The following MYO3B variants were observed in gnomAD, a reference collection of about 807,000 sequenced individuals.
MYO3B encodes myosin-IIIb.
Under a neutral mutation model 174.6 loss-of-function variants are expected in MYO3B, and 156 were observed. The ratio of observed to expected loss-of-function variants is 0.89; its 90% confidence interval spans 0.78 to 1.02. The LOEUF is 1.02. MYO3B is among the 50% of genes least tolerant of loss of function. The pLI is 0.00. For synonymous variants in MYO3B, 563 were observed against 569.1 expected, an observed-to-expected ratio of 0.99 and a Z score of 0.15; for missense variants, 1,632 against 1,639.4, an observed-to-expected ratio of 1.00 and a Z score of 0.08.
At chr2:170,364,353 T>C (rs2094183150) in intron 8 of MYO3B, among the ~76,000 whole-genome samples, 1 of 152,214 alleles carries the variant, frequency 6.6e-6, no homozygotes, top group South Asian at 2.1e-4. Context: ...ACTCCAAACT[T>C]ACTTGGTTTA....
chr2:170,390,100 C>T (rs1395882813), intron 14 of MYO3B, among the ~76,000 whole-genome samples: 1 of 152,116 alleles, frequency 6.6e-6, no homozygotes, highest in Non-Finnish European at 1.5e-5. Flanking sequence ...TATCCTATAA[C>T]ATGTTGTATA....
intron 32 of MYO3B, chr2:170,646,981 C>A (rs577031304): frequency 2.5e-6 from 3 of 1,212,078 alleles, no homozygotes; most frequent in Non-Finnish European, 3.4e-6. Flanking sequence ...GTTGTACTTC[C>A]TTTCATCTTA....
chr2:170,252,639 C>G (rs964539466), intron 7 of MYO3B, among the ~76,000 whole-genome samples: 1 of 151,994 alleles, frequency 6.6e-6, no homozygotes, highest in Non-Finnish European at 1.5e-5. Flanking sequence ...AAATAATAAA[C>G]AAGTAAAAAT....
intron 5 of MYO3B, among the ~76,000 whole-genome samples, chr2:170,217,078 A>G (rs1197752562): frequency 1.3e-5 from 2 of 151,958 alleles, no homozygotes; most frequent in Non-Finnish European, 2.9e-5. Context: ...TGAAAATTAT[A>G]TGAAATTCAA....
chr2:170,650,808 C>T (rs372351256), intron 32 of MYO3B, among the ~76,000 whole-genome samples: 41 of 151,042 alleles, frequency 2.7e-4, no homozygotes, highest in African/African-American at 9.5e-4. Flanking sequence ...CTCAGCCTCC[C>T]GAGTAGCTGG....
chr2:170,268,157 AG>A (rs1320311902), intron 7 of MYO3B, among the ~76,000 whole-genome samples: 1 of 152,170 alleles, frequency 6.6e-6, no homozygotes, highest in African/African-American at 2.4e-5. Flanking sequence ...TTGCAGTAAA[AG>A]AAAGAAACTA....
intron 32 of MYO3B, among the ~76,000 whole-genome samples, chr2:170,631,074 A>C (rs1206216351): frequency 1.3e-5 from 2 of 152,146 alleles, no homozygotes; most frequent in Non-Finnish European, 2.9e-5. Context: ...AGTTGAGAGA[A>C]GAAGGCTTCA....
At chr2:170,282,050 A>G (rs147363092) in intron 7 of MYO3B, among the ~76,000 whole-genome samples, 1,686 of 152,224 alleles carry the variant, frequency 0.011, 39 homozygotes, top group African/African-American at 0.038. Flanking sequence ...CCCATTCAAC[A>G]TGTTGTATCT....
At chr2:170,532,676 C>T (rs1689430448) in intron 30 of MYO3B, among the ~76,000 whole-genome samples, 1 of 151,904 alleles carries the variant, frequency 6.6e-6, no homozygotes, top group African/African-American at 2.4e-5. Flanking sequence ...ATTAGTCAGG[C>T]ATGGTGGCAG....
chr2:170,353,382 C>T (rs528324172), intron 8 of MYO3B, among the ~76,000 whole-genome samples: 98 of 151,994 alleles, frequency 6.4e-4, no homozygotes, highest in African/African-American at 2.2e-3. Context: ...GTATGGAGAT[C>T]AGTAGTTGTC....
intron 25 of MYO3B, among the ~76,000 whole-genome samples, chr2:170,475,045 A>T (rs1005790697): frequency 6.6e-6 from 1 of 152,174 alleles, no homozygotes; most frequent in Admixed American, 6.5e-5. Flanking sequence ...ACAGTGGGTT[A>T]TTGAAAATAG....
intron 7 of MYO3B, among the ~76,000 whole-genome samples, chr2:170,322,412 C>T (rs919928858): frequency 9.2e-5 from 14 of 152,080 alleles, no homozygotes; most frequent in African/African-American, 2.7e-4. Flanking sequence ...TGCCAGGACC[C>T]GCAGCATAAT....
rs547146610 is a variant in MYO3B at position 170,274,499 on chromosome 2, C to G, written c.749+38363C>G. Among the ~76,000 whole-genome samples the G allele has an allele frequency of 2.5e-4, 38 of 152,066 alleles. No individual in the cohort carries two copies. The South Asian group carries it at 3.7e-3, about 15-fold the overall frequency. On this transcript the variant is annotated intron_variant, in intron 7 of 34. Coordinates refer to ENST00000408978, the MANE Select transcript of MYO3B (RefSeq NM_138995.5). ...GCAAAGTGGCTACTTTTAGTAGGCTCGGTAAATATTGGATGAGTGAACTAA... is the reference window on the plus strand; with the variant it reads ...GCAAAGTGGCTACTTTTAGTAGGCTGGGTAAATATTGGATGAGTGAACTAA...
intron 32 of MYO3B, among the ~76,000 whole-genome samples, chr2:170,556,932 A>T (rs1173598599): frequency 2.6e-5 from 4 of 152,166 alleles, no homozygotes; most frequent in Non-Finnish European, 4.4e-5. Context: ...TCACATGCTT[A>T]TTTGACATCT....
chr2:170,653,181 T>A lies in MYO3B; in HGVS notation c.*60T>A. 6.2e-7 allele frequency: 1 copy of A among 1,600,594 alleles called. No individual in the cohort carries two copies. The highest frequency in any genetic ancestry group is 2.2e-5 in the East Asian group (1 of 44,798). On this transcript the variant is annotated 3_prime_UTR_variant, in exon 35 of 35. Transcript: ENST00000408978. The stretch of plus-strand genomic sequence containing the variant: ...GGAACATTCATGGTAATCGACTGTC[T>A]GTCATTGCGTAAGAAAGCACTGATA...
intron 32 of MYO3B, among the ~76,000 whole-genome samples, chr2:170,621,297 T>C (rs777290422): frequency 1.3e-5 from 2 of 152,216 alleles, no homozygotes; most frequent in African/African-American, 2.4e-5. Flanking sequence ...GTTTATTTTA[T>C]GTTTTATTCA....
At chr2:170,476,798 G>C (rs1192463196) in intron 25 of MYO3B, among the ~76,000 whole-genome samples, 1 of 151,902 alleles carries the variant, frequency 6.6e-6, no homozygotes, top group Non-Finnish European at 1.5e-5. Context: ...TTGAGGGTGG[G>C]ACCATTGCCG....
chr2:170,221,684 G>A (rs562588055), intron 6 of MYO3B, among the ~76,000 whole-genome samples: 30 of 152,266 alleles, frequency 2.0e-4, no homozygotes, highest in South Asian at 1.0e-3. Context: ...TACTACTGGG[G>A]AAATAAATTG....
intron 28 of MYO3B, among the ~76,000 whole-genome samples, chr2:170,507,255 A>AC (rs1008184025): frequency 1.1e-4 from 17 of 150,900 alleles, no homozygotes; most frequent in African/African-American, 2.2e-4. Context: ...CCATCCGCCT[A>AC]CCCCCCCATC....
Sources: gnomAD v4.1 joint callset for allele counts (sites outside exome capture counted in the v4.1 genomes callset) on GRCh38, gnomAD v4.1.1 for gene constraint, MANE v1.5 for transcripts, NCBI Gene and HGNC (gene_info 2026-07-23, HGNC 2026-07-21) for gene names.